CCDC50: variants seen among roughly 807,000 people sequenced by gnomAD.
CCDC50 encodes the protein coiled-coil domain-containing protein 50.
In CCDC50, 54 loss-of-function variants were observed where a neutral mutation model predicts 70.2. The observed-to-expected ratio is 0.77, with a 90% CI of 0.62 to 0.96. The LOEUF (loss-of-function observed/expected upper bound fraction) is 0.96. Among genes scored for constraint, CCDC50 ranks in the 50% least tolerant of loss-of-function variants. CCDC50 has a pLI of 0.00. For missense variants in CCDC50, 558 were observed against 578.7 expected (o/e 0.96, Z 0.37); for synonymous variants, 216 against 198.8 (o/e 1.09, Z -0.73).
At chr3:191,387,195 G>T (rs1713525360) in intron 10 of CCDC50, among the ~76,000 whole-genome samples, 1 of 152,130 alleles carries the variant, frequency 6.6e-6, no homozygotes, top group Non-Finnish European at 1.5e-5. Flanking sequence ...TGTTATGATT[G>T]TGTTAAGTGC....
At chr3:191,357,703 G>A (rs1160221599) in intron 2 of CCDC50, among the ~76,000 whole-genome samples, 1 of 152,240 alleles carries the variant, frequency 6.6e-6, no homozygotes, top group African/African-American at 2.4e-5. Context: ...ACAACATGTA[G>A]TAGTAGAAAG....
chr3:191,389,364 A>T, intron 10 of CCDC50, 132 bp from the exon 11 acceptor site: 4 of 789,204 alleles, frequency 5.1e-6, no homozygotes. Flanking sequence ...TCCAGGAACT[A>T]CAGTGTGAAT....
At chr3:191,361,753 A>G (rs1295682749) in intron 4 of CCDC50, among the ~76,000 whole-genome samples, 1 of 152,212 alleles carries the variant, frequency 6.6e-6, no homozygotes, top group Non-Finnish European at 1.5e-5. Flanking sequence ...AAATAAGGTC[A>G]CATTTTGAGG....
In CCDC50 at chr3:191,351,591, A is replaced by C. The variant is rs147815497; in HGVS notation, c.50-5497A>C. On this transcript the variant is annotated intron_variant, in intron 1 of 11. Coordinates refer to ENST00000392455, the MANE Select transcript of CCDC50 (RefSeq NM_178335.3). ...TAAAGTTGGCAAGTAGATGTACCTGAAAAAAGGTGTGTGAGGAGAAACAAT... is the reference window on the plus strand; with the variant it reads ...TAAAGTTGGCAAGTAGATGTACCTGCAAAAAGGTGTGTGAGGAGAAACAAT... 2.4e-3 allele frequency among the ~76,000 whole-genome samples: 336 copies of C among 141,064 alleles called. 41 individuals carry two copies. The highest frequency in any genetic ancestry group is 0.014 in the Middle Eastern group (4 of 282). 92.5% of individuals were successfully genotyped at this position (141,064 alleles called of 152,430 possible).
intron 1 of CCDC50, among the ~76,000 whole-genome samples, chr3:191,354,725 G>GT (rs1301936858): frequency 6.6e-6 from 1 of 152,086 alleles, no homozygotes; most frequent in Admixed American, 6.6e-5. Context: ...CCTGTACTGT[G>GT]TGTGATTTAT....
At chr3:191,365,839 T>G (rs1333381222) in intron 4 of CCDC50, among the ~76,000 whole-genome samples, 1 of 152,196 alleles carries the variant, frequency 6.6e-6, no homozygotes, top group East Asian at 1.9e-4. Flanking sequence ...CCTCCATCCC[T>G]TATATATTTA....
At chr3:191,381,531 T>C (rs1195924962) in intron 9 of CCDC50, among the ~76,000 whole-genome samples, 1 of 152,138 alleles carries the variant, frequency 6.6e-6, no homozygotes, top group Admixed American at 6.6e-5. Context: ...GCGGTAATTG[T>C]GAGTTCCAGC....
rs1713901223 is a variant in CCDC50 at position 191,397,608 on chromosome 3, T to C, written c.*5848T>C. 1.3e-5 allele frequency: 2 copies of C among 152,234 alleles called. No homozygotes were observed. Among genetic ancestry groups the C allele is most frequent in the Non-Finnish European group, 2.9e-5 (2 of 68,044 alleles). 9.4% of individuals were successfully genotyped at this position (152,234 alleles called of 1,614,324 possible). Reference sequence around the variant, plus strand: ...TAAAAAGTACAAGAGTTTGCTCATATAAATCAAGTTGCCCAGGAAACCTGA... The same window carrying C: ...TAAAAAGTACAAGAGTTTGCTCATACAAATCAAGTTGCCCAGGAAACCTGA... On this transcript the variant is annotated 3_prime_UTR_variant, in exon 12 of 12. Transcript: ENST00000392455.
In CCDC50 at chr3:191,375,291, A is replaced by G. The variant is rs2028573; in HGVS notation, c.678A>G (p.Lys226=). The G allele has an allele frequency of 0.098, 158,388 of 1,613,458 alleles. 12,828 individuals are homozygous for G. Among genetic ancestry groups the G allele is most frequent in the African/African-American group, 0.41 (30,792 of 74,902 alleles). Residue 226 remains lysine, a synonymous_variant, in exon 6 of 12, where the codon AAA becomes AAG. Coordinates refer to ENST00000392455, the MANE Select transcript of CCDC50 (RefSeq NM_178335.3). ...PHINNEQHER[K]RSTQERPRRP... is the part of the protein sequence containing the mutation. The stretch of plus-strand genomic sequence containing the variant: ...TTAACAATGAGCAGCATGAAAGGAA[A>G]CGGTCCACTCAGGAGAGGCCTCGGA...
At chr3:191,343,489 C>T (rs1020714133) in intron 1 of CCDC50, among the ~76,000 whole-genome samples, 16 of 152,218 alleles carry the variant, frequency 1.1e-4, no homozygotes, top group South Asian at 1.0e-3. Context: ...TGTTTAATTA[C>T]GAAATTTTAT....
chr3:191,347,914 C>T (rs558846454), intron 1 of CCDC50, among the ~76,000 whole-genome samples: 1 of 142,128 alleles, frequency 7.0e-6, no homozygotes, highest in African/African-American at 2.5e-5. Context: ...CAGGATCCAT[C>T]TTTTTCACAA....
At chr3:191,379,744 C>A in intron 6 of CCDC50, among the ~76,000 whole-genome samples, 1 of 152,108 alleles carries the variant, frequency 6.6e-6, no homozygotes, top group Non-Finnish European at 1.5e-5. Context: ...TAGAAAGAAG[C>A]CTCTACTCTC....
chr3:191,369,906 CTT>C lies in CCDC50; in HGVS notation c.331-12_331-11del. The stretch of plus-strand genomic sequence containing the variant: ...TGGTAATGTGTATTTCCATTCTCCT[CTT>C]GTCTTTGCAGGACATAGCTCGCCTT... On this transcript the variant is annotated splice_polypyrimidine_tract_variant and intron_variant, in intron 4 of 11. Transcript: ENST00000392455. 1.3e-6 allele frequency: 2 copies of C among 1,579,648 alleles called. No homozygotes were observed. The highest frequency in any genetic ancestry group is 1.7e-6 in the Non-Finnish European group (2 of 1,149,202).
chr3:191,367,948 A>G (rs1712755072), intron 4 of CCDC50, among the ~76,000 whole-genome samples: 1 of 152,070 alleles, frequency 6.6e-6, no homozygotes, highest in Non-Finnish European at 1.5e-5. Flanking sequence ...CCTGATTGAT[A>G]GATTACTTTG....
intron 4 of CCDC50, among the ~76,000 whole-genome samples, chr3:191,362,772 C>T (rs1313733916): frequency 1.3e-5 from 2 of 152,134 alleles, no homozygotes; most frequent in Non-Finnish European, 2.9e-5. Flanking sequence ...CTGTTCAATG[C>T]CAGATGAATG....
chr3:191,375,131 A>G lies in CCDC50; in HGVS notation c.518A>G (p.Asp173Gly). Residue 173 changes from aspartate (D) to glycine (G), a missense_variant, in exon 6 of 12, where the codon GAT becomes GGT. Transcript: ENST00000392455. ...GFSRPCRLQR[D>G]GKTVKHKKEK... ...TCAAGACCTTGTAGACTCCAAAGAG[A>G]TGGAAAGACTGTGAAGCACAAGAAA... The G allele has an allele frequency of 1.2e-6, 2 of 1,613,700 alleles. No individual in the cohort carries two copies. The highest frequency in any genetic ancestry group is 1.7e-6 in the Non-Finnish European group (2 of 1,179,752).
chr3:191,339,654 A>C (rs944340075), intron 1 of CCDC50, among the ~76,000 whole-genome samples: 1 of 152,180 alleles, frequency 6.6e-6, no homozygotes, highest in Non-Finnish European at 1.5e-5. Context: ...GAATATGGAA[A>C]GTGTTGACTT....
At chr3:191,372,462 A>G (rs1712944525) in intron 5 of CCDC50, among the ~76,000 whole-genome samples, 1 of 152,212 alleles carries the variant, frequency 6.6e-6, no homozygotes, top group Non-Finnish European at 1.5e-5. Context: ...AGTTCAGCTC[A>G]TATTTACAAA....
At chr3:191,389,637 T>C in intron 11 of CCDC50, 35 bp downstream of exon 11, 1 of 1,479,860 alleles carries the variant, frequency 6.8e-7, no homozygotes, top group Non-Finnish European at 9.5e-7. Context: ...TTTAGGATCT[T>C]CTTTTTTTAT....
Sources: allele counts gnomAD v4.1 joint callset (sites outside exome capture counted in the v4.1 genomes callset), GRCh38; gene constraint gnomAD v4.1.1; transcripts MANE v1.5; gene names NCBI Gene and HGNC (gene_info 2026-07-23, HGNC 2026-07-21).